Variants in ERCC1 observed in about 807,000 individuals in gnomAD.
ERCC1 encodes ERCC excision repair 1, endonuclease non-catalytic subunit.
In ERCC1, 36 loss-of-function variants were observed where a neutral mutation model predicts 37.6. The ratio of observed to expected loss-of-function variants is 0.96; its 90% CI spans 0.73 to 1.26. ERCC1 has a LOEUF of 1.26. Ranked by LOEUF, ERCC1 falls within the 50% of genes most tolerant of loss-of-function variation. ERCC1 has a pLI of 0.00. For missense variants in ERCC1, 349 were observed against 376.5 expected, an observed-to-expected ratio of 0.93 and a Z score of 0.60; for synonymous variants, 156 against 162.1, an observed-to-expected ratio of 0.96 and a Z score of 0.28.
chr19:45,425,082 A>ATTTTT (rs35314737), upstream of ERCC1, among the ~76,000 whole-genome samples: 90 of 116,810 alleles, frequency 7.7e-4, no homozygotes, highest in East Asian at 2.2e-3. Context: ...TGCCCGGCTA[A>ATTTTT]TTTTTTTTTT....
intron 5 of ERCC1, among the ~76,000 whole-genome samples, chr19:45,418,632 G>A (rs1974207536): frequency 6.6e-6 from 1 of 152,058 alleles, no homozygotes; most frequent in Admixed American, 6.6e-5. Flanking sequence ...AGACCAGCCT[G>A]GCCAACATGG....
In ERCC1 at chr19:45,437,883, A is replaced by AT. The variant is rs201526153; in HGVS notation, c.-7-14503dup. On this transcript the variant is annotated intron_variant, in intron 1 of 8. Coordinates refer to the ERCC1 transcript ENST00000423698. ...TTTAAATTTGTAAATATTATTTTTT[A>AT]TTTTTTGTCACTACGTGTTCTCATC... is the stretch of plus-strand genomic sequence containing the variant. 6.5e-4 allele frequency among the ~76,000 whole-genome samples: 98 copies of AT among 151,490 alleles called. 1 individual carries two copies. In the East Asian group the frequency reaches 0.013, roughly 19 times the overall value.
At chr19:45,418,001 A>G (rs1974162861) in intron 5 of ERCC1, among the ~76,000 whole-genome samples, 1 of 152,070 alleles carries the variant, frequency 6.6e-6, no homozygotes, top group Non-Finnish European at 1.5e-5. Context: ...CCAATGGAAG[A>G]GGAATGCTTG....
chr19:45,417,731 GCT>G (rs1333312025), intron 5 of ERCC1, among the ~76,000 whole-genome samples: 1 of 151,958 alleles, frequency 6.6e-6, no homozygotes, highest in Non-Finnish European at 1.5e-5. Context: ...ACGGAGTCTC[GCT>G]CTGTTGCCCA....
intron 4 of ERCC1, chr19:45,419,568 T>C: frequency 3.1e-6 from 1 of 318,798 alleles, no homozygotes; most frequent in South Asian, 2.9e-5. Context: ...TGCTCTGGCC[T>C]TGGAGGGCTA....
intron 1 of ERCC1, among the ~76,000 whole-genome samples, chr19:45,431,749 T>C (rs7248764): frequency 0.55 from 82,408 of 151,046 alleles, 26,221 homozygotes; most frequent in African/African-American, 0.87. Context: ...AAATGAGCTG[T>C]GCTTGGTGGC....
chr19:45,437,316 T>A (rs1197544754), intron 1 of ERCC1, among the ~76,000 whole-genome samples: 2 of 152,038 alleles, frequency 1.3e-5, no homozygotes, highest in Non-Finnish European at 2.9e-5. Flanking sequence ...AATAAAATCG[T>A]ACATATGGAT....
chr19:45,419,041 G>T, intron 5 of ERCC1, 57 bp downstream of exon 5: 2 of 1,155,910 alleles, frequency 1.7e-6, no homozygotes, highest in Non-Finnish European at 2.5e-6. Flanking sequence ...GGATTCAACA[G>T]CCCACTGCAC....
Position 45,420,228 on chromosome 19 carries a change from AG to A in ERCC1, c.425+95del. The stretch of plus-strand genomic sequence containing the variant: ...CCAGAACCTGCAGGACCATGCCCAG[AG>A]GCTTCTCATAGAACAGTCCAGAACA... On this transcript the variant is annotated intron_variant, in intron 4 of 9. Coordinates refer to ENST00000300853, the MANE Select transcript of ERCC1 (RefSeq NM_001983.4). This position sits in a 1 kb window ranked among gnomAD's most constrained non-coding sequence, Gnocchi z 4.8. 2.4e-6 allele frequency: 2 copies of A among 835,680 alleles called. No individual in the cohort carries two copies. The highest frequency in any genetic ancestry group is 4.0e-6 in the Non-Finnish European group (2 of 500,014). 51.8% of individuals were successfully genotyped at this position (835,680 alleles called of 1,614,324 possible). A position where few individuals can be genotyped will look rare whatever the true frequency, so the allele number is the denominator to read the frequency against.
Position 45,421,233 on chromosome 19 carries a change from T to C in ERCC1, c.266A>G (p.Asn89Ser), listed in dbSNP as rs769399848. 26 of 1,614,076 alleles carry C rather than the reference T, an allele frequency of 1.6e-5. No individual in the cohort carries two copies. The East Asian group carries it at 5.1e-4, about 32-fold the overall frequency. ...GSEPLAGETP[N>S]QALKPGAKSN... is the part of the protein sequence containing the mutation. ...TTTTGCCCCGGGTTTCAGGGCCTGG[T>C]TGGGCGTCTCTCCTGCCAGGGGCTC... is the stretch of plus-strand genomic sequence containing the variant. The change falls in exon 3 of 10, where the codon AAC becomes AGC. Residue 89 changes from asparagine (N) to serine (S), a missense_variant. Coordinates refer to ENST00000300853, the MANE Select transcript of ERCC1 (RefSeq NM_001983.4).
intron 1 of ERCC1, among the ~76,000 whole-genome samples, chr19:45,450,167 A>G (rs1290139197): frequency 6.6e-6 from 1 of 152,174 alleles, no homozygotes; most frequent in East Asian, 1.9e-4. Flanking sequence ...AAGGTTCCGG[A>G]GTGGGTAACT....
chr19:45,414,626 G>T (rs1973942394), intron 7 of ERCC1: 2 of 510,258 alleles, frequency 3.9e-6, no homozygotes, highest in Admixed American at 6.4e-5. Flanking sequence ...TGAGCCTGGT[G>T]AGAAGTCTGG....
At chr19:45,413,374 C>T (rs2123464219) in intron 9 of ERCC1, 1 of 599,816 alleles carries the variant, frequency 1.7e-6, no homozygotes, top group South Asian at 2.0e-5. Flanking sequence ...TCAAGCGATC[C>T]TCCCACCTCA....
At chr19:45,423,677 G>A in intron 1 of ERCC1, 104 bp downstream of exon 1, 1 of 1,257,290 alleles carries the variant, frequency 8.0e-7, no homozygotes, top group South Asian at 1.9e-5. Context: ...CCCGAGGCTA[G>A]CATCTGGACG....
In ERCC1 at chr19:45,433,369, T is replaced by C. The variant is rs191390864; in HGVS notation, c.-7-9988A>G. ...GGTGAAACCCCGTCTCTACTAAAAATACAAAAATTAGCCAGGCGTGGTGGC... is the reference window on the plus strand; with the variant it reads ...GGTGAAACCCCGTCTCTACTAAAAACACAAAAATTAGCCAGGCGTGGTGGC... On this transcript the variant is annotated intron_variant, in intron 1 of 8. Transcript: ENST00000423698. Among the ~76,000 whole-genome samples the C allele has an allele frequency of 4.3e-4, 65 of 151,556 alleles. 1 individual carries two copies. In the East Asian group the frequency reaches 0.012, roughly 29 times the overall value.
At chr19:45,428,774 G>A (rs1974764729), upstream of ERCC1, among the ~76,000 whole-genome samples, 1 of 150,784 alleles carries the variant, frequency 6.6e-6, no homozygotes, top group African/African-American at 2.4e-5. Flanking sequence ...TGACCAGGCT[G>A]GCGTCCCCGC....
intron 6 of ERCC1, chr19:45,415,873 T>G: frequency 2.3e-6 from 1 of 442,664 alleles, no homozygotes; most frequent in Admixed American, 2.4e-5. Flanking sequence ...TAGTGGCTCA[T>G]GCTTGTAATC....
At chr19:45,427,200 C>T (rs1395829188), upstream of ERCC1, among the ~76,000 whole-genome samples, 1 of 152,012 alleles carries the variant, frequency 6.6e-6, no homozygotes, top group African/African-American at 2.4e-5. Flanking sequence ...ATCCAGAATC[C>T]TAGGTTCTTA....
In ERCC1 at chr19:45,423,337, G is replaced by A; in HGVS notation, c.38C>T (p.Pro13Leu). ...TTTCTTCCTTGCTGGCGGCCCTGAG[G>A]GCTGGGGCACCCCCTCTTTGTCCTT... The part of the protein sequence containing the change: ...PGKDKEGVPQ[P>L]SGPPARKKFV... The change falls in exon 2 of 10, where the codon CCC becomes CTC. Residue 13 changes from proline (P) to leucine (L), a missense_variant. Transcript: ENST00000300853. The A allele has an allele frequency of 6.2e-7, 1 of 1,613,718 alleles. No homozygotes were observed. Among genetic ancestry groups the A allele is most frequent in the Non-Finnish European group, 8.5e-7 (1 of 1,179,920 alleles).
Sources: gnomAD v4.1 joint callset for allele counts (sites outside exome capture counted in the v4.1 genomes callset) on GRCh38, gnomAD v4.1.1 for gene constraint, Gnocchi (gnomAD v3.1) non-coding constraint, MANE v1.5 for transcripts, NCBI Gene and HGNC (gene_info 2026-07-23, HGNC 2026-07-21) for gene names.